Variants in PCDH15 observed in about 807,000 individuals in gnomAD.
PCDH15 encodes the protein protocadherin-15.
Under a neutral mutation model 178.5 loss-of-function variants are expected in PCDH15, and 129 were observed. The ratio of observed to expected loss-of-function variants is 0.72; its 90% CI spans 0.63 to 0.84. PCDH15 has a LOEUF of 0.84. PCDH15 is among the 40% of genes least tolerant of loss of function. The pLI is 0.00. For synonymous variants in PCDH15, 800 were observed against 732.0 expected (o/e 1.09, Z -1.50); for missense variants, 2,230 against 2,099.9 (o/e 1.06, Z -1.21).
intron 15 of PCDH15, among the ~76,000 whole-genome samples, chr10:54,117,106 C>G (rs2132795274): frequency 6.6e-6 from 1 of 152,262 alleles, no homozygotes; most frequent in Non-Finnish European, 1.5e-5. Flanking sequence ...TGCAGCCTGA[C>G]AAGCTGTGCT....
At chr10:54,622,136 A>G (rs1411977434) in intron 2 of PCDH15, among the ~76,000 whole-genome samples, 3 of 151,930 alleles carry the variant, frequency 2.0e-5, no homozygotes, top group African/African-American at 4.8e-5. Context: ...TGATGAAAAA[A>G]TGGACTGTAA....
intron 2 of PCDH15, among the ~76,000 whole-genome samples, chr10:54,529,714 A>C (rs1466776578): frequency 1.3e-5 from 2 of 152,120 alleles, no homozygotes; most frequent in Non-Finnish European, 2.9e-5. Flanking sequence ...GATATTTCAC[A>C]TATTTGCACC....
intron 1 of PCDH15, among the ~76,000 whole-genome samples, chr10:54,778,930 A>C (rs1949984338): frequency 6.6e-6 from 1 of 152,102 alleles, no homozygotes; most frequent in South Asian, 2.1e-4. Context: ...GTACTACCAA[A>C]GGTAGAGTTG....
chr10:55,464,210 C>T lies in PCDH15; in HGVS notation c.-156+163415G>A, dbSNP rs76978092. Among the ~76,000 whole-genome samples the T allele has an allele frequency of 4.8e-3, 723 of 152,160 alleles. 1 individual carries two copies. Among genetic ancestry groups the T allele is most frequent in the African/African-American group, 0.015 (633 of 41,528 alleles). ...TACACATCACTAAGTGTACTAGGGA[C>T]ATAACTCAAAACGTCAGAACAATGA... On this transcript the variant is annotated intron_variant, in intron 2 of 5. Coordinates refer to the PCDH15 transcript ENST00000613346.
chr10:54,640,109 A>C (rs2093956554), intron 2 of PCDH15, among the ~76,000 whole-genome samples: 2 of 152,168 alleles, frequency 1.3e-5, no homozygotes, highest in Non-Finnish European at 1.5e-5. Context: ...AAATAAATAA[A>C]AACCAGTTAG....
chr10:54,690,172 T>C (rs2135781961), intron 1 of PCDH15, among the ~76,000 whole-genome samples: 1 of 152,302 alleles, frequency 6.6e-6, no homozygotes, highest in African/African-American at 2.4e-5. Context: ...GCATTACTCA[T>C]GTGTTTGTGG....
chr10:55,045,996 T>A (rs1362964551), intron 2 of PCDH15, among the ~76,000 whole-genome samples: 4 of 152,052 alleles, frequency 2.6e-5, no homozygotes, highest in Non-Finnish European at 5.9e-5. Flanking sequence ...ACATGCAAGT[T>A]TTATTGCATT....
chr10:55,511,096 C>T (rs1207380492), intron 2 of PCDH15, among the ~76,000 whole-genome samples: 2 of 151,170 alleles, frequency 1.3e-5, no homozygotes, highest in African/African-American at 4.9e-5. Context: ...TGGTCTCAAA[C>T]TCCTGAGCTC....
rs116252596 is a variant in PCDH15 at position 54,107,938 on chromosome 10, G to A, written c.1918-17875C>T. Among the ~76,000 whole-genome samples, 308 of 152,296 alleles carry A rather than the reference G, an allele frequency of 2.0e-3. 1 individual carries two copies. Among genetic ancestry groups the A allele is most frequent in the African/African-American group, 7.1e-3 (294 of 41,558 alleles). On this transcript the variant is annotated intron_variant, in intron 15 of 37. Transcript: ENST00000644397. Reference sequence around the variant, plus strand: ...AATGTTTAGGACTGGGTCAGAATGGGAATGATGATTTGGTGTGATTTCAAA... The same window carrying A: ...AATGTTTAGGACTGGGTCAGAATGGAAATGATGATTTGGTGTGATTTCAAA...
chr10:53,887,852 G>A (rs554048239), intron 26 of PCDH15, among the ~76,000 whole-genome samples: 143 of 152,186 alleles, frequency 9.4e-4, no homozygotes, highest in African/African-American at 3.3e-3. Context: ...TCGCGCCACC[G>A]CACTCCAGCC....
At position 53,954,294 on chromosome 10, in the gene PCDH15, G is replaced by A. The variant is rs373040353; in HGVS notation, c.3122+5438C>T. ...ACTTACTGTGGTGTTTATTACTTGT[G>A]TCTATTATTTTGCTATTTTACAATT... On this transcript the variant is annotated intron_variant, in intron 23 of 37. Transcript: ENST00000644397. 7.2e-4 allele frequency among the ~76,000 whole-genome samples: 110 copies of A among 152,124 alleles called. No homozygotes were observed. In the Middle Eastern group the frequency reaches 0.014, roughly 19 times the overall value.
chr10:54,520,398 G>A (rs1336001677), intron 3 of PCDH15, among the ~76,000 whole-genome samples: 1 of 152,064 alleles, frequency 6.6e-6, no homozygotes, highest in African/African-American at 2.4e-5. Context: ...CAAAAAGTGG[G>A]CAAAGGATAT....
intron 11 of PCDH15, among the ~76,000 whole-genome samples, chr10:54,190,780 A>T (rs2048920206): frequency 6.6e-6 from 1 of 152,222 alleles, no homozygotes. Flanking sequence ...TTTTCATAAT[A>T]CAGATCTTTT....
intron 2 of PCDH15, among the ~76,000 whole-genome samples, chr10:55,449,405 C>T (rs966550031): frequency 8.6e-5 from 13 of 152,026 alleles, no homozygotes; most frequent in Non-Finnish European, 1.8e-4. Flanking sequence ...AGACTCATGA[C>T]AACAGGCAAT....
intron 3 of PCDH15, among the ~76,000 whole-genome samples, chr10:54,451,587 G>A (rs1054143545): frequency 6.6e-6 from 1 of 151,882 alleles, no homozygotes; most frequent in South Asian, 2.1e-4. Context: ...GGTGATAGTA[G>A]AGGTATTTAA....
At chr10:55,502,543 T>C (rs1367074280) in intron 2 of PCDH15, among the ~76,000 whole-genome samples, 9 of 151,748 alleles carry the variant, frequency 5.9e-5, no homozygotes, top group Non-Finnish European at 1.3e-4. Context: ...TGATAAAGTT[T>C]GTTTTCACAC....
intron 2 of PCDH15, among the ~76,000 whole-genome samples, chr10:55,069,159 G>T (rs1841649498): frequency 6.6e-6 from 1 of 150,872 alleles, no homozygotes; most frequent in Admixed American, 6.6e-5. Flanking sequence ...ACCCACCTTG[G>T]CCTCTCAAAG....
At chr10:54,779,695 T>C (rs944052972) in intron 1 of PCDH15, among the ~76,000 whole-genome samples, 1 of 151,358 alleles carries the variant, frequency 6.6e-6, no homozygotes, top group African/African-American at 2.4e-5. Flanking sequence ...CCTACTGTCA[T>C]TCCCAATAAT....
intron 1 of PCDH15, among the ~76,000 whole-genome samples, chr10:54,702,823 T>C (rs1469310999): frequency 1.3e-5 from 2 of 151,996 alleles, no homozygotes; most frequent in Non-Finnish European, 2.9e-5. Context: ...TCCAAAAACA[T>C]TGAGAAGGAG....
Sources: allele counts gnomAD v4.1 joint callset (sites outside exome capture counted in the v4.1 genomes callset), GRCh38; gene constraint gnomAD v4.1.1; transcripts MANE v1.5; gene names NCBI Gene and HGNC (gene_info 2026-07-23, HGNC 2026-07-21).